Variants in CFAP61 observed in about 807,000 individuals in gnomAD.
CFAP61 encodes cilia- and flagella-associated protein 61.
A neutral mutation model predicts 135.6 loss-of-function variants in CFAP61; 107 were observed. That is an observed-to-expected ratio of 0.79 (90% CI 0.67 to 0.93). The LOEUF is 0.93. CFAP61 is among the 40% of genes least tolerant of loss of function. CFAP61 has a pLI of 0.00. For missense variants in CFAP61, 1,507 were observed against 1,556.2 expected (o/e 0.97, Z 0.53); for synonymous variants, 575 against 578.5 (o/e 0.99, Z 0.09).
intron 25 of CFAP61, among the ~76,000 whole-genome samples, chr20:20,319,634 T>C (rs2057334365): frequency 6.6e-6 from 1 of 152,232 alleles, no homozygotes; most frequent in African/African-American, 2.4e-5. Context: ...ATGCTTCCTG[T>C]ATAGCCTGTG....
chr20:20,080,468 T>TA (rs1391138262), intron 6 of CFAP61, among the ~76,000 whole-genome samples: 8 of 152,252 alleles, frequency 5.3e-5, no homozygotes, highest in African/African-American at 1.9e-4. Flanking sequence ...ACTTTTTCTA[T>TA]AAAAAATAAT....
chr20:20,339,531 G>A (rs1209708607), intron 25 of CFAP61, among the ~76,000 whole-genome samples: 2 of 152,064 alleles, frequency 1.3e-5, no homozygotes, highest in Non-Finnish European at 2.9e-5. Flanking sequence ...GTGCAGTGGC[G>A]TGATCACAGC....
intron 21 of CFAP61, among the ~76,000 whole-genome samples, chr20:20,270,794 C>T (rs144839283): frequency 5.0e-4 from 76 of 152,034 alleles, no homozygotes; most frequent in Non-Finnish European, 8.1e-4. Flanking sequence ...CTCAGCCTCC[C>T]GAGTAGCTGG....
intron 7 of CFAP61, among the ~76,000 whole-genome samples, chr20:20,093,671 G>A (rs374491936): frequency 6.6e-6 from 1 of 152,094 alleles, no homozygotes; most frequent in East Asian, 1.9e-4. Flanking sequence ...TTGGCCTCAA[G>A]TGATCTGCCT....
chr20:20,214,683 A>G (rs1026165862), intron 17 of CFAP61, among the ~76,000 whole-genome samples: 1 of 152,258 alleles, frequency 6.6e-6, no homozygotes, highest in Non-Finnish European at 1.5e-5. Context: ...GAAGACTCAC[A>G]GCCCCCTGGA....
At chr20:20,281,314 C>T (rs1251872578) in intron 22 of CFAP61, among the ~76,000 whole-genome samples, 1 of 152,148 alleles carries the variant, frequency 6.6e-6, no homozygotes, top group Non-Finnish European at 1.5e-5. Flanking sequence ...GACATCCTTG[C>T]CTTGTTCCAT....
chr20:20,290,192 G>T, intron 23 of CFAP61, 108 bp from the exon 24 acceptor site: 1 of 726,996 alleles, frequency 1.4e-6, no homozygotes, highest in Non-Finnish European at 2.5e-6. Context: ...AAAGTTTGAG[G>T]AGCATACGCC....
intron 8 of CFAP61, among the ~76,000 whole-genome samples, chr20:20,111,222 G>T (rs1001258444): frequency 6.6e-6 from 1 of 152,056 alleles, no homozygotes; most frequent in Non-Finnish European, 1.5e-5. Flanking sequence ...TTCAAAAATG[G>T]TAACAGACCA....
chr20:20,316,600 G>T (rs943504312), intron 25 of CFAP61, among the ~76,000 whole-genome samples: 2 of 151,602 alleles, frequency 1.3e-5, no homozygotes, highest in Non-Finnish European at 2.9e-5. Context: ...GTGAGAGAGG[G>T]CATCCCTGTC....
intron 9 of CFAP61, among the ~76,000 whole-genome samples, chr20:20,153,211 A>G (rs911386755): frequency 1.3e-5 from 2 of 152,190 alleles, no homozygotes; most frequent in Non-Finnish European, 2.9e-5. Context: ...CCTCTGGGAC[A>G]CAGCAAAAGT....
chr20:20,277,080 A>T (rs2053816521), intron 21 of CFAP61, 86 bp from the exon 22 acceptor site: 2 of 1,067,340 alleles, frequency 1.9e-6, no homozygotes, highest in African/African-American at 3.1e-5. Context: ...AGAGGGTTAT[A>T]CGGAGCAATT....
At chr20:20,176,632 C>A (rs76036062) in intron 13 of CFAP61, among the ~76,000 whole-genome samples, 13,576 of 152,172 alleles carry the variant, frequency 0.089, 628 homozygotes, top group Middle Eastern at 0.14. Flanking sequence ...CGCACGTTCT[C>A]ACTTATAAGT....
At chr20:20,124,141 G>T (rs2049897689) in intron 8 of CFAP61, among the ~76,000 whole-genome samples, 1 of 151,554 alleles carries the variant, frequency 6.6e-6, no homozygotes, top group Non-Finnish European at 1.5e-5. Context: ...CTTTTTGGAA[G>T]AGTCTTTAGG....
chr20:20,358,453 C>G (rs1602199677), intron 26 of CFAP61, among the ~76,000 whole-genome samples: 1 of 152,278 alleles, frequency 6.6e-6, no homozygotes, highest in East Asian at 1.9e-4. Flanking sequence ...AGCTCAAAAT[C>G]TTGTATAATT....
intron 25 of CFAP61, among the ~76,000 whole-genome samples, chr20:20,309,532 G>C (rs1277224554): frequency 6.6e-6 from 1 of 152,142 alleles, no homozygotes; most frequent in Non-Finnish European, 1.5e-5. Context: ...GGCTTTCCAC[G>C]TGCCACAACC....
chr20:20,348,333 C>G (rs2058704736), intron 26 of CFAP61, among the ~76,000 whole-genome samples: 1 of 151,992 alleles, frequency 6.6e-6, no homozygotes, highest in South Asian at 2.1e-4. Context: ...GAGATTTACC[C>G]CAGGAATGTA....
chr20:20,229,899 C>T (rs1311717642), intron 18 of CFAP61, among the ~76,000 whole-genome samples: 1 of 152,110 alleles, frequency 6.6e-6, no homozygotes, highest in African/African-American at 2.4e-5. Flanking sequence ...CAGGGTATGC[C>T]ACGTTATAGT....
intron 12 of CFAP61, among the ~76,000 whole-genome samples, chr20:20,168,231 T>C (rs930208840): frequency 6.7e-6 from 1 of 149,692 alleles, no homozygotes; most frequent in Non-Finnish European, 1.5e-5. Context: ...CCCAGCTAAT[T>C]AAAAAAAAAA....
rs369098678 is a variant in CFAP61, at chr20:20,098,744, C to T, written c.789C>T (p.His263=). 10 of 1,613,958 alleles carry T rather than the reference C, an allele frequency of 6.2e-6. No homozygotes were observed. The East Asian group carries it at 8.9e-5, about 14-fold the overall frequency. The change falls in exon 8 of 27, where the codon CAC becomes CAT. Residue 263 remains histidine (H), a synonymous_variant. Coordinates refer to ENST00000245957, the MANE Select transcript of CFAP61 (RefSeq NM_015585.4). ...LHECFDLGPF[H]GLCFPHPDDV... ...AGTGCTTTGACTTGGGCCCTTTCCA[C>T]GGACTCTGTTTCCCACATCCTGATG...
Sources: allele counts gnomAD v4.1 joint callset (sites outside exome capture counted in the v4.1 genomes callset), GRCh38; gene constraint gnomAD v4.1.1; transcripts MANE v1.5; gene names NCBI Gene and HGNC (gene_info 2026-07-23, HGNC 2026-07-21).